The following CAST variants were observed in gnomAD, a reference collection of about 807,000 sequenced individuals.
CAST encodes the protein MIR583 host.
CAST carries 76 observed loss-of-function variants against 119.6 expected under a neutral mutation model. The ratio of observed to expected loss-of-function variants is 0.64; its 90% CI spans 0.53 to 0.77. The LOEUF (loss-of-function observed/expected upper bound fraction) is 0.77. Ranked by LOEUF, CAST falls within the 30% of genes least tolerant of loss-of-function variation. CAST has a pLI of 0.00. For synonymous variants in CAST, 319 were observed against 331.6 expected (o/e 0.96, Z 0.41); for missense variants, 953 against 946.5 (o/e 1.01, Z -0.09).
the CAST span, among the ~76,000 whole-genome samples, chr5:96,180,449 C>T: frequency 6.6e-6 from 1 of 152,208 alleles, no homozygotes; most frequent in African/African-American, 2.4e-5. Flanking sequence ...TCGTGAGGTA[C>T]TATGAAAGTT....
Position 96,748,435 on chromosome 5 carries a change from G to A in CAST, c.1333-83G>A, listed in dbSNP as rs1368240189. ...GTATGGCCTCATATGTGTTAATCAG[G>A]AAAAAAATTGCTCCATGAAAACTTT... On this transcript the variant is annotated intron_variant, in intron 18 of 31. Coordinates refer to ENST00000675179, the MANE Select transcript of CAST (RefSeq NM_001750.7). The A allele has an allele frequency of 1.5e-5, 9 of 618,470 alleles. No homozygotes were observed. In the African/African-American group the frequency reaches 1.7e-4, roughly 12 times the overall value. 38.3% of individuals were successfully genotyped at this position (618,470 alleles called of 1,614,324 possible). A position where few individuals can be genotyped will look rare whatever the true frequency, so the allele number is the denominator to read the frequency against.
At chr5:96,561,184 A>G in intron 1 of CAST, among the ~76,000 whole-genome samples, 1 of 129,742 alleles carries the variant, frequency 7.7e-6, no homozygotes. Flanking sequence ...GGGGAACATC[A>G]CACACCAGGG....
At chr5:96,641,159 A>G (rs753591903) in intron 1 of CAST, among the ~76,000 whole-genome samples, 11 of 152,222 alleles carry the variant, frequency 7.2e-5, no homozygotes, top group Non-Finnish European at 1.3e-4. Flanking sequence ...CAGCCATGCT[A>G]TTAATACTAC....
At chr5:95,989,030 A>G in the CAST span, among the ~76,000 whole-genome samples, 4 of 152,202 alleles carry the variant, frequency 2.6e-5, no homozygotes, top group Non-Finnish European at 4.4e-5. Flanking sequence ...CCTATGTTAC[A>G]TAAATGTTCC....
the CAST span, among the ~76,000 whole-genome samples, chr5:96,187,543 C>T: frequency 1.1e-3 from 171 of 152,262 alleles, no homozygotes; most frequent in African/African-American, 4.0e-3. Context: ...GGTACATTGT[C>T]TCTTTGGTCT....
intron 1 of CAST, among the ~76,000 whole-genome samples, chr5:96,543,464 A>G (rs1324916501): frequency 4.6e-5 from 7 of 152,158 alleles, no homozygotes; most frequent in African/African-American, 1.4e-4. Context: ...GGGTTGATGG[A>G]TGCAGCAAAC....
At chr5:96,126,337 G>A in the CAST span, among the ~76,000 whole-genome samples, 4 of 152,080 alleles carry the variant, frequency 2.6e-5, no homozygotes, top group Non-Finnish European at 5.9e-5. Flanking sequence ...TAAGGGTATT[G>A]TTGATGTTTT....
upstream of CAST, among the ~76,000 whole-genome samples, chr5:96,525,967 G>A (rs1745592298): frequency 6.6e-6 from 1 of 152,174 alleles, no homozygotes; most frequent in Non-Finnish European, 1.5e-5. Context: ...TGAGAGTGGG[G>A]TGGCAATTGA....
At position 96,738,804 on chromosome 5, in the gene CAST, G is replaced by A. The variant is rs545030799; in HGVS notation, c.798+857G>A. Among the ~76,000 whole-genome samples, 374 of 151,782 alleles carry A rather than the reference G, an allele frequency of 2.5e-3. 2 individuals carry two copies. Among genetic ancestry groups the A allele is most frequent in the Non-Finnish European group, 4.2e-3 (287 of 67,894 alleles). ...AAAAAAATTAGTCAGGAATGTTGGC[G>A]CATGGCTGTAATCCCAGCTACTCAG... On this transcript the variant is annotated intron_variant, in intron 11 of 31. Coordinates refer to ENST00000675179, the MANE Select transcript of CAST (RefSeq NM_001750.7).
intron 9 of CAST, among the ~76,000 whole-genome samples, chr5:96,735,316 T>C (rs1761407570): frequency 6.6e-6 from 1 of 152,240 alleles, no homozygotes. Flanking sequence ...AGTCAGAGCC[T>C]GTGCTCTTCC....
chr5:96,207,417 G>A, the CAST span, among the ~76,000 whole-genome samples: 1 of 152,028 alleles, frequency 6.6e-6, no homozygotes, highest in Non-Finnish European at 1.5e-5. Context: ...TGCCCATTCA[G>A]TAGGATGTTG....
chr5:96,319,197 C>T, the CAST span, among the ~76,000 whole-genome samples: 13 of 152,114 alleles, frequency 8.5e-5, no homozygotes, highest in South Asian at 2.1e-4. Flanking sequence ...TGTGAACTAA[C>T]AGAGTGAGAA....
At chr5:96,288,882 T>C in the CAST span, among the ~76,000 whole-genome samples, 1 of 152,120 alleles carries the variant, frequency 6.6e-6, no homozygotes, top group Non-Finnish European at 1.5e-5. Context: ...AATATGGTAG[T>C]TGAAGAATCC....
chr5:96,259,912 C>T, the CAST span, among the ~76,000 whole-genome samples: 1 of 148,678 alleles, frequency 6.7e-6, no homozygotes, highest in Admixed American at 6.7e-5. Context: ...TTATGTTTTC[C>T]ATTATCTTTT....
At chr5:96,714,975 A>AG (rs66946447) in intron 3 of CAST, 69,182 of 151,666 alleles carry the variant, frequency 0.46, 16,118 homozygotes, top group Middle Eastern at 0.51. Context: ...GAATATGGCC[A>AG]GTATCCTTCT....
the CAST span, among the ~76,000 whole-genome samples, chr5:96,007,125 C>CTT: frequency 6.6e-6 from 1 of 152,144 alleles, no homozygotes; most frequent in African/African-American, 2.4e-5. Context: ...AATTAATTGA[C>CTT]CAGTTTGCTT....
chr5:96,035,069 GTA>G, the CAST span, among the ~76,000 whole-genome samples: 83,422 of 131,100 alleles, frequency 0.64, 26,048 homozygotes, highest in South Asian at 0.72. Flanking sequence ...ATATATTTAA[GTA>G]TATATATATA....
At chr5:96,498,089 A>G in the CAST span, among the ~76,000 whole-genome samples, 41 of 152,054 alleles carry the variant, frequency 2.7e-4, no homozygotes, top group African/African-American at 8.0e-4. Context: ...TGGCTAGCCA[A>G]TTTTCCCAGC....
the CAST span, chr5:95,973,340 T>C: frequency 6.5e-6 from 1 of 153,838 alleles, no homozygotes; most frequent in African/African-American, 2.4e-5. Flanking sequence ...GGCCATTGCA[T>C]GCATTTTTCA....
Sources: allele counts gnomAD v4.1 joint callset (sites outside exome capture counted in the v4.1 genomes callset), GRCh38; gene constraint gnomAD v4.1.1; transcripts MANE v1.5; gene names NCBI Gene and HGNC (gene_info 2026-07-23, HGNC 2026-07-21).